WDFY4: variants seen among roughly 807,000 people sequenced by gnomAD.
WDFY4 encodes the protein WDFY family member 4.
In WDFY4, 169 loss-of-function variants were observed where a neutral mutation model predicts 351.9. That is an observed-to-expected ratio of 0.48 (90% confidence interval 0.42 to 0.55). The LOEUF (loss-of-function observed/expected upper bound fraction) is 0.55, where lower values mean the gene tolerates loss of function less well. Among genes scored for constraint, WDFY4 ranks in the 20% least tolerant of loss-of-function variants. The probability of loss-of-function intolerance (pLI) is 0.00; values close to 1 mark genes in which losing one functional copy is unlikely to be tolerated. For synonymous variants in WDFY4, 1,622 were observed against 1,574.6 expected (o/e 1.03, Z -0.71); for missense variants, 3,803 against 3,935.6 (o/e 0.97, Z 0.90).
intron 47 of WDFY4, among the ~76,000 whole-genome samples, chr10:48,906,011 C>T (rs1463128482): frequency 2.0e-5 from 3 of 152,206 alleles, no homozygotes; most frequent in African/African-American, 7.2e-5. Flanking sequence ...GCAGTGGTGG[C>T]CCTCAGCCTT....
intron 23 of WDFY4, among the ~76,000 whole-genome samples, chr10:48,795,845 C>A (rs1239850059): frequency 6.6e-6 from 1 of 152,006 alleles, no homozygotes; most frequent in South Asian, 2.1e-4. Context: ...ATGCTGGGAC[C>A]CAAGTGCCTC....
rs1204890290 is a variant in WDFY4, at chr10:48,982,831, T to G, written c.*256T>G. ...AAACTGTGACTTGGTGATGCCCAGC[T>G]GCACACGAAATTACACATGACTCAC... On this transcript the variant is annotated 3_prime_UTR_variant, in exon 62 of 62. Coordinates refer to ENST00000325239, the MANE Select transcript of WDFY4 (RefSeq NM_001394531.1). The G allele has an allele frequency of 3.6e-6, 2 of 554,278 alleles. No individual in the cohort carries two copies. The highest frequency in any genetic ancestry group is 7.1e-6 in the Non-Finnish European group (2 of 282,094). The allele number at this position is 554,278 out of a possible 1,614,324, so 34.3% of individuals were successfully genotyped here.
chr10:48,766,803 T>A (rs1254902817), intron 13 of WDFY4, among the ~76,000 whole-genome samples: 1 of 152,180 alleles, frequency 6.6e-6, no homozygotes, highest in East Asian at 1.9e-4. Context: ...TATCTCAATT[T>A]CAACTACTCA....
intron 23 of WDFY4, among the ~76,000 whole-genome samples, chr10:48,793,786 G>T (rs1385508173): frequency 6.6e-6 from 1 of 152,200 alleles, no homozygotes; most frequent in Non-Finnish European, 1.5e-5. Flanking sequence ...CAATTAAGTG[G>T]CTTGCTCAGG....
intron 47 of WDFY4, among the ~76,000 whole-genome samples, chr10:48,914,415 T>C (rs1301338564): frequency 3.3e-5 from 5 of 152,144 alleles, no homozygotes; most frequent in Admixed American, 2.6e-4. Flanking sequence ...TCTTCAGACT[T>C]TGATTTTCTT....
intron 47 of WDFY4, among the ~76,000 whole-genome samples, chr10:48,903,683 G>T (rs1010656003): frequency 6.6e-6 from 1 of 152,146 alleles, no homozygotes; most frequent in Non-Finnish European, 1.5e-5. Flanking sequence ...GGCCACTGTG[G>T]CTATCTGAAG....
At chr10:48,871,176 C>T (rs2069764015) in intron 40 of WDFY4, among the ~76,000 whole-genome samples, 2 of 152,106 alleles carry the variant, frequency 1.3e-5, no homozygotes, top group East Asian at 3.9e-4. Flanking sequence ...ACCTCGTGAT[C>T]CGCCTGCCTC....
At chr10:48,800,834 G>A (rs900686537) in intron 24 of WDFY4, among the ~76,000 whole-genome samples, 17 of 150,902 alleles carry the variant, frequency 1.1e-4, no homozygotes, top group Non-Finnish European at 1.5e-4. Flanking sequence ...CCAGGTTCAA[G>A]TAATTCTCCT....
intron 43 of WDFY4, among the ~76,000 whole-genome samples, chr10:48,886,034 G>A (rs981617503): frequency 1.3e-5 from 2 of 152,106 alleles, no homozygotes; most frequent in Non-Finnish European, 2.9e-5. Context: ...GTAGGAAGAG[G>A]GCAGATGATA....
chr10:48,872,575 T>C (rs1417085999), intron 40 of WDFY4, among the ~76,000 whole-genome samples: 2 of 152,232 alleles, frequency 1.3e-5, no homozygotes, highest in East Asian at 3.8e-4. Flanking sequence ...AAACATTAAA[T>C]GTGGGACAAA....
intron 35 of WDFY4, among the ~76,000 whole-genome samples, chr10:48,826,417 GT>G (rs568726540): frequency 1.3e-5 from 2 of 151,610 alleles, no homozygotes; most frequent in Non-Finnish European, 1.5e-5. Context: ...CTCCAGCTTT[GT>G]TTTTTTTGCT....
chr10:48,696,672 C>A (rs1298732099), intron 1 of WDFY4, among the ~76,000 whole-genome samples: 2 of 152,234 alleles, frequency 1.3e-5, no homozygotes, highest in East Asian at 1.9e-4. Context: ...TGGGGCTGAA[C>A]CCCAAAGATG....
intron 47 of WDFY4, among the ~76,000 whole-genome samples, chr10:48,939,329 C>T (rs1326103031): frequency 6.6e-6 from 1 of 152,186 alleles, no homozygotes; most frequent in Non-Finnish European, 1.5e-5. Flanking sequence ...TTTTCCAGAC[C>T]CATGGTCTCA....
intron 43 of WDFY4, among the ~76,000 whole-genome samples, chr10:48,883,757 C>T (rs1037934942): frequency 1.3e-5 from 2 of 152,206 alleles, no homozygotes; most frequent in African/African-American, 2.4e-5. Flanking sequence ...CTGCAGGCAT[C>T]ATCCTGGCCC....
chr10:48,750,212 G>A (rs1373798151), intron 12 of WDFY4, among the ~76,000 whole-genome samples: 7 of 152,200 alleles, frequency 4.6e-5, no homozygotes, highest in Non-Finnish European at 1.0e-4. Context: ...GAAGGGTGGG[G>A]GACAGTGTAG....
rs1355851618 is a variant in WDFY4, at chr10:48,812,179, C to CTTTTT, written c.5214+477_5214+481dup. Among the ~76,000 whole-genome samples the CTTTTT allele has an allele frequency of 4.6e-4, 62 of 134,550 alleles. 1 individual carries two copies. Among genetic ancestry groups the CTTTTT allele is most frequent in the African/African-American group, 1.9e-3 (60 of 31,780 alleles). 88.3% of individuals were successfully genotyped at this position (134,550 alleles called of 152,430 possible). ...TAGTTATCCTTTCTTTCTTTCTTTT[C>CTTTTT]TTTTTTTTTTGTTTTTTTTGTTTTT... On this transcript the variant is annotated intron_variant, in intron 30 of 61. Coordinates refer to ENST00000325239, the MANE Select transcript of WDFY4 (RefSeq NM_001394531.1).
At chr10:48,799,213 G>A (rs1350527207) in intron 24 of WDFY4, among the ~76,000 whole-genome samples, 1 of 152,128 alleles carries the variant, frequency 6.6e-6, no homozygotes, top group Non-Finnish European at 1.5e-5. Context: ...AGGAGATCTG[G>A]TGCTTTTAAA....
intron 39 of WDFY4, among the ~76,000 whole-genome samples, chr10:48,837,029 A>T (rs2068424156): frequency 6.6e-6 from 1 of 152,216 alleles, no homozygotes; most frequent in African/African-American, 2.4e-5. Flanking sequence ...TGGGATGTTA[A>T]TAACTTTATA....
At chr10:48,908,275 C>A (rs1197921244) in intron 47 of WDFY4, among the ~76,000 whole-genome samples, 3 of 152,212 alleles carry the variant, frequency 2.0e-5, no homozygotes, top group African/African-American at 7.2e-5. Flanking sequence ...AACAGGTGTG[C>A]AAATGCCCAG....
Sources: gnomAD v4.1 joint callset for allele counts (sites outside exome capture counted in the v4.1 genomes callset) on GRCh38, gnomAD v4.1.1 for gene constraint, MANE v1.5 for transcripts, NCBI Gene and HGNC (gene_info 2026-07-23, HGNC 2026-07-21) for gene names.